KCNH1: variants seen among roughly 807,000 people sequenced by gnomAD.
KCNH1 encodes the protein voltage-gated delayed rectifier potassium channel KCNH1.
A neutral mutation model predicts 69.2 loss-of-function variants in KCNH1; 27 were observed. That is an observed-to-expected ratio of 0.39 (90% CI 0.29 to 0.54). KCNH1 has a LOEUF of 0.54. Among genes scored for constraint, KCNH1 ranks in the 20% least tolerant of loss-of-function variants. The probability of loss-of-function intolerance (pLI) is 0.68; values close to 1 mark genes in which losing one functional copy is unlikely to be tolerated. For synonymous variants in KCNH1, 456 were observed against 487.7 expected (o/e 0.93, Z 0.86); for missense variants, 798 against 1,261.6 (o/e 0.63, Z 5.57).
chr1:210,699,869 C>T (rs1056806780), intron 10 of KCNH1, among the ~76,000 whole-genome samples: 4 of 152,124 alleles, frequency 2.6e-5, no homozygotes, highest in African/African-American at 7.2e-5. Context: ...GTGGTAGGGC[C>T]GGCTGGAATT....
At chr1:210,768,410 AG>A (rs1354567735) in intron 10 of KCNH1, among the ~76,000 whole-genome samples, 2 of 152,212 alleles carry the variant, frequency 1.3e-5, no homozygotes, top group African/African-American at 4.8e-5. Flanking sequence ...CCACCAGTCT[AG>A]TACCTCCATA....
At chr1:210,700,301 T>A (rs1056480450) in intron 10 of KCNH1, among the ~76,000 whole-genome samples, 14 of 152,302 alleles carry the variant, frequency 9.2e-5, no homozygotes, top group African/African-American at 3.1e-4. Flanking sequence ...TACTGCCTAC[T>A]GACACAACTC....
chr1:210,906,882 T>C (rs1352052770), intron 7 of KCNH1, among the ~76,000 whole-genome samples: 1 of 152,180 alleles, frequency 6.6e-6, no homozygotes, highest in African/African-American at 2.4e-5. Context: ...AATTCATGGA[T>C]AGCTGGAGGC....
chr1:211,106,482 G>A (rs997073586), intron 2 of KCNH1, among the ~76,000 whole-genome samples: 8 of 149,242 alleles, frequency 5.4e-5, no homozygotes, highest in Admixed American at 2.0e-4. Flanking sequence ...ATCTTTTTCT[G>A]AAGTAAAAAA....
intron 10 of KCNH1, among the ~76,000 whole-genome samples, chr1:210,710,670 C>A (rs1391048105): frequency 6.6e-6 from 1 of 152,072 alleles, no homozygotes; most frequent in Non-Finnish European, 1.5e-5. Flanking sequence ...CTCAGAGAAG[C>A]CTAATGCCAC....
chr1:210,856,259 C>A (rs1172483938), intron 7 of KCNH1, among the ~76,000 whole-genome samples: 1 of 152,174 alleles, frequency 6.6e-6, no homozygotes, highest in African/African-American at 2.4e-5. Flanking sequence ...ATGTAGCACT[C>A]CCAAACCAGA....
chr1:211,044,016 C>T (rs1690048849), intron 5 of KCNH1, among the ~76,000 whole-genome samples: 1 of 152,128 alleles, frequency 6.6e-6, no homozygotes, highest in Admixed American at 6.6e-5. Flanking sequence ...AAAGCATTCC[C>T]TCTGAAAACT....
intron 5 of KCNH1, among the ~76,000 whole-genome samples, chr1:211,078,567 C>G (rs565733565): frequency 6.6e-5 from 10 of 152,166 alleles, no homozygotes; most frequent in African/African-American, 2.4e-4. Flanking sequence ...TCTTTGAAAC[C>G]AATGAGAACA....
chr1:210,753,284 T>A (rs1057040096), intron 10 of KCNH1, among the ~76,000 whole-genome samples: 12 of 152,196 alleles, frequency 7.9e-5, no homozygotes, highest in African/African-American at 2.4e-4. Flanking sequence ...AATATGATGG[T>A]TTTCTTTTCC....
intron 5 of KCNH1, among the ~76,000 whole-genome samples, chr1:211,067,275 TAAG>T (rs1156553528): frequency 6.6e-6 from 1 of 152,184 alleles, no homozygotes; most frequent in African/African-American, 2.4e-5. Flanking sequence ...GATCCCCTTT[TAAG>T]AAGGATTCTC....
rs113161141 is a variant in KCNH1, at chr1:210,841,978, A to T, written c.1463-37812T>A. Among the ~76,000 whole-genome samples the T allele has an allele frequency of 4.1e-3, 628 of 152,282 alleles. 8 individuals carry two copies. The highest frequency in any genetic ancestry group is 0.015 in the African/African-American group (609 of 41,554). On this transcript the variant is annotated intron_variant, in intron 7 of 10. Transcript: ENST00000271751. The stretch of plus-strand genomic sequence containing the variant: ...ACAAGCAGGTTTTTAAGCGGCTATA[A>T]CATGAGCTCCTTCTTCAACAAAATT...
chr1:210,939,816 C>T (rs1224370727), intron 6 of KCNH1, among the ~76,000 whole-genome samples: 1 of 152,148 alleles, frequency 6.6e-6, no homozygotes, highest in Non-Finnish European at 1.5e-5. Context: ...TAACCATTTG[C>T]CCTATAGAGT....
intron 1 of KCNH1, among the ~76,000 whole-genome samples, chr1:211,116,632 C>T (rs918624587): frequency 9.2e-5 from 14 of 152,164 alleles, no homozygotes; most frequent in African/African-American, 3.4e-4. Flanking sequence ...TTGGTAGCTA[C>T]ATCAAGAGCA....
At chr1:211,071,552 T>C (rs918915542) in intron 5 of KCNH1, among the ~76,000 whole-genome samples, 6 of 149,718 alleles carry the variant, frequency 4.0e-5, no homozygotes, top group African/African-American at 1.3e-4. Context: ...TGTTATGCAG[T>C]TATGATTTAA....
At chr1:211,128,677 T>A (rs569987897) in intron 1 of KCNH1, among the ~76,000 whole-genome samples, 284 of 152,308 alleles carry the variant, frequency 1.9e-3, no homozygotes, top group Non-Finnish European at 2.7e-3. Context: ...TTTGTGTGCT[T>A]TTCTATTTGT....
chr1:211,029,422 A>G (rs1689742974), intron 5 of KCNH1, among the ~76,000 whole-genome samples: 1 of 151,068 alleles, frequency 6.6e-6, no homozygotes, highest in Non-Finnish European at 1.5e-5. Context: ...CATGTAATGT[A>G]TGATATTAAC....
chr1:211,070,729 G>A (rs1005932628), intron 5 of KCNH1, among the ~76,000 whole-genome samples: 2 of 151,694 alleles, frequency 1.3e-5, no homozygotes, highest in Non-Finnish European at 2.9e-5. Context: ...GGCTGAGACA[G>A]GAGAATCGCT....
intron 10 of KCNH1, among the ~76,000 whole-genome samples, chr1:210,687,540 C>T (rs1227875277): frequency 6.6e-6 from 1 of 152,198 alleles, no homozygotes; most frequent in African/African-American, 2.4e-5. Flanking sequence ...GGACGAGCTT[C>T]CTACCCTGCA....
At chr1:211,038,616 G>C (rs1461849245) in intron 5 of KCNH1, among the ~76,000 whole-genome samples, 1 of 152,220 alleles carries the variant, frequency 6.6e-6, no homozygotes, top group Non-Finnish European at 1.5e-5. Flanking sequence ...ATAAGATCCA[G>C]ACTGAGGTGG....
Sources: allele counts gnomAD v4.1 joint callset (sites outside exome capture counted in the v4.1 genomes callset), GRCh38; gene constraint gnomAD v4.1.1; transcripts MANE v1.5; gene names NCBI Gene and HGNC (gene_info 2026-07-23, HGNC 2026-07-21).